The following PLEKHA7 variants were observed in gnomAD, a reference collection of about 807,000 sequenced individuals.
PLEKHA7 encodes pleckstrin homology domain-containing family A member 7.
A neutral mutation model predicts 170.0 loss-of-function variants in PLEKHA7; 104 were observed. The observed-to-expected ratio is 0.61, with a 90% CI of 0.52 to 0.72. PLEKHA7 has a LOEUF of 0.72. Among genes scored for constraint, PLEKHA7 ranks in the 30% least tolerant of loss-of-function variants. The pLI is 0.00. For synonymous variants in PLEKHA7, 648 were observed against 660.8 expected, an observed-to-expected ratio of 0.98 and a Z score of 0.30; for missense variants, 1,615 against 1,671.7, an observed-to-expected ratio of 0.97 and a Z score of 0.59.
At chr11:16,905,720 C>T (rs1298329416) in intron 3 of PLEKHA7, among the ~76,000 whole-genome samples, 1 of 152,176 alleles carries the variant, frequency 6.6e-6, no homozygotes, top group Non-Finnish European at 1.5e-5. Context: ...AGCATTCTTC[C>T]CCAAAGCTCC....
chr11:16,938,189 T>G (rs1287242403), intron 3 of PLEKHA7, among the ~76,000 whole-genome samples: 2 of 152,168 alleles, frequency 1.3e-5, no homozygotes, highest in African/African-American at 2.4e-5. Context: ...TGTTCTAATA[T>G]TCTTCCTAAG....
chr11:16,952,408 G>A (rs1419216254), intron 3 of PLEKHA7, among the ~76,000 whole-genome samples: 1 of 152,120 alleles, frequency 6.6e-6, no homozygotes, highest in East Asian at 1.9e-4. Flanking sequence ...AGAGTGCTTG[G>A]GGCCCAGAAG....
At chr11:16,822,963 T>G (rs892416563) in intron 10 of PLEKHA7, among the ~76,000 whole-genome samples, 3 of 151,168 alleles carry the variant, frequency 2.0e-5, no homozygotes, top group African/African-American at 7.3e-5. Context: ...TGGAATCACC[T>G]AGGGAGTTGT....
At chr11:16,806,703 A>G (rs1849014296) in intron 13 of PLEKHA7, among the ~76,000 whole-genome samples, 1 of 152,210 alleles carries the variant, frequency 6.6e-6, no homozygotes, top group Non-Finnish European at 1.5e-5. Flanking sequence ...TTATCCAAAT[A>G]CCAACTGCCT....
At chr11:16,887,556 A>T (rs1213015151) in intron 3 of PLEKHA7, among the ~76,000 whole-genome samples, 1 of 152,144 alleles carries the variant, frequency 6.6e-6, no homozygotes, top group Non-Finnish European at 1.5e-5. Flanking sequence ...ACCACGCCTG[A>T]CTGGCTTTCG....
At chr11:16,846,918 A>C (rs1266901110) in intron 8 of PLEKHA7, among the ~76,000 whole-genome samples, 1 of 151,948 alleles carries the variant, frequency 6.6e-6, no homozygotes, top group Non-Finnish European at 1.5e-5. Context: ...GGGTGAATCA[A>C]CCATTTACAG....
At chr11:16,860,700 CA>C (rs1407520139) in intron 4 of PLEKHA7, among the ~76,000 whole-genome samples, 1 of 152,140 alleles carries the variant, frequency 6.6e-6, no homozygotes, top group Non-Finnish European at 1.5e-5. Flanking sequence ...TGGGCTTTGC[CA>C]CAGAAAGACC....
chr11:16,898,956 ATGAGAGCTATAAAACACCAAT>A (rs1857158744), intron 3 of PLEKHA7, among the ~76,000 whole-genome samples: 1 of 152,214 alleles, frequency 6.6e-6, no homozygotes, highest in Non-Finnish European at 1.5e-5. Flanking sequence ...AAAGGCCTAA[ATGAGAGCTATAAAACACCAAT>A]TTTGTAAAGA....
intron 26 of PLEKHA7, among the ~76,000 whole-genome samples, 185 bp downstream of exon 26, chr11:16,782,569 C>G (rs1380236235): frequency 2.0e-5 from 3 of 152,226 alleles, no homozygotes; most frequent in Non-Finnish European, 4.4e-5. Flanking sequence ...GCTCCACCTT[C>G]CCTTCCAAGT....
intron 24 of PLEKHA7, 49 bp downstream of exon 24, chr11:16,786,180 C>A (rs1308070073): frequency 6.5e-7 from 1 of 1,528,374 alleles, no homozygotes; most frequent in Admixed American, 2.0e-5. Context: ...AGGCTGGGAA[C>A]TTGAAGGCCA....
rs1857034643 is a variant in PLEKHA7 at position 16,897,001 on chromosome 11, A to G, written c.222-25819T>C. On this transcript the variant is annotated intron_variant, in intron 3 of 26. Transcript: ENST00000531066. ...GCTTCTCTGTTGGCTCTGATTCTCC[A>G]TCACAGAGCCTAGTATACAGTATTG... 2.0e-5 allele frequency among the ~76,000 whole-genome samples: 3 copies of G among 152,178 alleles called. No individual in the cohort carries two copies. The South Asian group carries it at 6.2e-4, about 32-fold the overall frequency.
At chr11:16,809,261 G>C (rs537640993) in intron 13 of PLEKHA7, among the ~76,000 whole-genome samples, 8 of 152,312 alleles carry the variant, frequency 5.3e-5, no homozygotes, top group African/African-American at 1.7e-4. Context: ...CTCAACGTGG[G>C]CCCACAAGCA....
At chr11:16,902,304 G>A (rs1032475953) in intron 3 of PLEKHA7, among the ~76,000 whole-genome samples, 1 of 152,158 alleles carries the variant, frequency 6.6e-6, no homozygotes, top group Non-Finnish European at 1.5e-5. Context: ...GCTATGAATT[G>A]CGTACAAGTT....
chr11:16,977,751 T>A (rs1225530202), intron 3 of PLEKHA7, among the ~76,000 whole-genome samples: 1 of 152,118 alleles, frequency 6.6e-6, no homozygotes, highest in Admixed American at 6.6e-5. Flanking sequence ...TGCTCTAGGA[T>A]CTTTGGTAAC....
At position 16,778,713 on chromosome 11, in the gene PLEKHA7, G is replaced by A. The variant is rs570045202; in HGVS notation, c.*285C>T. 6.7e-5 allele frequency: 33 copies of A among 494,186 alleles called. 1 individual carries two copies. In the South Asian group the frequency reaches 7.6e-4, roughly 11 times the overall value. The allele number at this position is 494,186 out of a possible 1,614,324, so 30.6% of individuals were successfully genotyped here. ...TCAACCTTCCTGCCACTCAGCCCTT[G>A]AGGGGAACATTAGAAAATAGATTCC... On this transcript the variant is annotated 3_prime_UTR_variant, in exon 27 of 27. Transcript: ENST00000531066.
chr11:16,831,178 T>C (rs1439410160), intron 9 of PLEKHA7, among the ~76,000 whole-genome samples: 1 of 152,198 alleles, frequency 6.6e-6, no homozygotes, highest in Non-Finnish European at 1.5e-5. Flanking sequence ...GTTCCCAAAA[T>C]GTTCAGGCTG....
chr11:16,970,175 C>T (rs1862622713), intron 3 of PLEKHA7, among the ~76,000 whole-genome samples: 1 of 152,186 alleles, frequency 6.6e-6, no homozygotes, highest in Admixed American at 6.5e-5. Context: ...TACAACAAAA[C>T]AGATGAATCT....
chr11:16,898,806 C>T (rs1857150447), intron 3 of PLEKHA7, among the ~76,000 whole-genome samples: 1 of 152,138 alleles, frequency 6.6e-6, no homozygotes, highest in Non-Finnish European at 1.5e-5. Context: ...GACTTTGTTC[C>T]CCCTAGTTCA....
At chr11:16,886,217 C>T (rs1253170168) in intron 3 of PLEKHA7, among the ~76,000 whole-genome samples, 1 of 152,082 alleles carries the variant, frequency 6.6e-6, no homozygotes, top group African/African-American at 2.4e-5. Flanking sequence ...TAACCAGATG[C>T]CACCTGGAAC....
Sources: gnomAD v4.1 joint callset for allele counts (sites outside exome capture counted in the v4.1 genomes callset) on GRCh38, gnomAD v4.1.1 for gene constraint, MANE v1.5 for transcripts, NCBI Gene and HGNC (gene_info 2026-07-23, HGNC 2026-07-21) for gene names.